Variants in ANK2 observed in about 807,000 individuals in gnomAD.
The protein encoded by ANK2 is ankyrin-2.
ANK2 carries 83 observed loss-of-function variants against 360.5 expected under a neutral mutation model. The ratio of observed to expected loss-of-function variants is 0.23; its 90% confidence interval spans 0.19 to 0.28. The LOEUF is 0.28. Ranked by LOEUF, ANK2 falls within the 10% of genes least tolerant of loss-of-function variation. The probability of loss-of-function intolerance (pLI) is 1.00; values close to 1 mark genes in which losing one functional copy is unlikely to be tolerated. For synonymous variants in ANK2, 1,740 were observed against 1,759.5 expected (o/e 0.99, Z 0.28); for missense variants, 4,201 against 4,795.7 (o/e 0.88, Z 3.66).
intron 45 of ANK2, among the ~76,000 whole-genome samples, chr4:113,380,052 T>C (rs573254459): frequency 1.3e-5 from 2 of 152,334 alleles, no homozygotes; most frequent in Non-Finnish European, 2.9e-5. Flanking sequence ...CTGTTATTTT[T>C]TGTTTGGACT....
At chr4:113,183,186 T>C (rs1049759430) in intron 2 of ANK2, among the ~76,000 whole-genome samples, 2 of 151,986 alleles carry the variant, frequency 1.3e-5, no homozygotes, top group African/African-American at 4.8e-5. Flanking sequence ...CGAAATATGA[T>C]TCTAGGTTAT....
chr4:113,267,814 G>T (rs1388957388), intron 14 of ANK2, among the ~76,000 whole-genome samples: 1 of 152,152 alleles, frequency 6.6e-6, no homozygotes, highest in African/African-American at 2.4e-5. Context: ...GATGGGGATA[G>T]CATTGAATCT....
At chr4:112,966,533 C>G (rs984485741) in intron 2 of ANK2, among the ~76,000 whole-genome samples, 9 of 151,850 alleles carry the variant, frequency 5.9e-5, no homozygotes, top group African/African-American at 1.9e-4. Context: ...TAACTTAATT[C>G]TATAATAAGA....
chr4:113,009,995 A>G, intron 2 of ANK2, among the ~76,000 whole-genome samples: 1 of 151,682 alleles, frequency 6.6e-6, no homozygotes, highest in Non-Finnish European at 1.5e-5. Flanking sequence ...TTGGTTTGGG[A>G]ATTAGGCAGA....
chr4:113,267,422 T>C (rs957880242), intron 14 of ANK2, among the ~76,000 whole-genome samples: 2 of 152,352 alleles, frequency 1.3e-5, no homozygotes, highest in Admixed American at 6.5e-5. Flanking sequence ...GAGTTAATTT[T>C]TGTATAAGAC....
At chr4:113,210,718 T>C (rs369332964) in intron 4 of ANK2, among the ~76,000 whole-genome samples, 13 of 152,226 alleles carry the variant, frequency 8.5e-5, no homozygotes, top group East Asian at 5.8e-4. Context: ...TGTAAAACGC[T>C]TAACACAATC....
intron 35 of ANK2, among the ~76,000 whole-genome samples, chr4:113,347,356 A>G (rs916232886): frequency 9.2e-5 from 14 of 152,182 alleles, no homozygotes; most frequent in African/African-American, 3.4e-4. Flanking sequence ...TTGATGGTGC[A>G]GAATGTATTT....
chr4:113,311,283 A>G lies in ANK2; in HGVS notation c.2577A>G (p.Gly859=). Residue 859 remains glycine, a synonymous_variant, in exon 24 of 46, where the codon GGA becomes GGG. Transcript: ENST00000357077. ...EGDDTMTGDG[G]EYLRPEDLKE... The stretch of plus-strand genomic sequence containing the variant: ...ATGACACAATGACTGGTGATGGGGG[A>G]GAATACCTTAGGCCTGAGGACCTAA... 6.2e-7 allele frequency: 1 copy of G among 1,614,086 alleles called. No individual in the cohort carries two copies. Among genetic ancestry groups the G allele is most frequent in the Non-Finnish European group, 8.5e-7 (1 of 1,180,006 alleles).
chr4:112,773,745 T>C, the ANK2 span, among the ~76,000 whole-genome samples: 1 of 152,220 alleles, frequency 6.6e-6, no homozygotes, highest in Non-Finnish European at 1.5e-5. Context: ...TCCATCAGTA[T>C]CCATCCAGTA....
intron 1 of ANK2, among the ~76,000 whole-genome samples, chr4:113,075,384 C>G (rs145278272): frequency 2.2e-4 from 34 of 152,298 alleles, no homozygotes; most frequent in Middle Eastern, 3.4e-3. Context: ...TAGGTGTTCT[C>G]TCCAGTTCCA....
chr4:112,864,637 A>G (rs1208486523), intron 1 of ANK2, among the ~76,000 whole-genome samples: 1 of 152,118 alleles, frequency 6.6e-6, no homozygotes, highest in Non-Finnish European at 1.5e-5. Context: ...TATTTTAAAA[A>G]AACGTTTACT....
intron 1 of ANK2, among the ~76,000 whole-genome samples, chr4:113,156,755 T>A (rs2097313885): frequency 6.7e-6 from 1 of 148,484 alleles, no homozygotes; most frequent in Admixed American, 6.8e-5. Flanking sequence ...AATTTTGTTT[T>A]CTTTTATAGT....
the ANK2 span, among the ~76,000 whole-genome samples, chr4:112,732,888 T>C: frequency 6.6e-6 from 1 of 151,836 alleles, no homozygotes; most frequent in South Asian, 2.1e-4. Flanking sequence ...GAGACCAGCC[T>C]GGCCAGCATG....
the ANK2 span, among the ~76,000 whole-genome samples, chr4:112,801,812 G>C: frequency 6.6e-6 from 1 of 152,114 alleles, no homozygotes. Flanking sequence ...CCCTCTTCAG[G>C]ACTCTATTTT....
chr4:112,885,796 C>CAAAAAAAAAAAAAAAAAAAAAAAAAAAA (rs750277917), intron 1 of ANK2, among the ~76,000 whole-genome samples: 1 of 26,972 alleles, frequency 3.7e-5, no homozygotes, highest in Non-Finnish European at 7.4e-5. Flanking sequence ...GACTCTGTCT[C>CAAAAAAAAAAAAAAAAAAAAAAAAAAAA]AAAAAAAAAA....
chr4:112,820,160 C>T (rs1379477462), intron 1 of ANK2, among the ~76,000 whole-genome samples: 2 of 152,224 alleles, frequency 1.3e-5, no homozygotes, highest in African/African-American at 2.4e-5. Flanking sequence ...TTCCATCTCA[C>T]TCACACAACT....
Position 113,353,191 on chromosome 4 carries a change from G to A in ANK2, c.4573G>A (p.Val1525Met). The change falls in exon 38 of 46, where the codon GTG becomes ATG. Residue 1525 changes from valine to methionine, a missense_variant. Around this residue, in one of 4 missense-constraint regions of ANK2, gnomAD observed 1,268 missense variants for 1,650.8 expected, o/e 0.77. Transcript: ENST00000357077. The part of the protein sequence containing the change: ...IKMTAILTTD[V>M]SDKAGSIKVK... ...AATGACCGCCATCTTGACCACAGAT[G>A]TGTCTGATAAGGCAGGTTCTATTAA... The A allele has an allele frequency of 6.2e-7, 1 of 1,614,074 alleles. No individual in the cohort carries two copies. The highest frequency in any genetic ancestry group is 8.5e-7 in the Non-Finnish European group (1 of 1,179,976).
At chr4:112,802,764 TAAAACAAAAACA>T in the ANK2 span, among the ~76,000 whole-genome samples, 1 of 152,134 alleles carries the variant, frequency 6.6e-6, no homozygotes, top group African/African-American at 2.4e-5. Context: ...ACATAGGAGT[TAAAACAAAAACA>T]AAAACAAAAA....
intron 1 of ANK2, among the ~76,000 whole-genome samples, chr4:112,886,313 G>A (rs2078326322): frequency 6.6e-6 from 1 of 152,052 alleles, no homozygotes; most frequent in Non-Finnish European, 1.5e-5. Context: ...TAAGTGTTCT[G>A]TTGAGACACC....
Sources: gnomAD v4.1 joint callset for allele counts (sites outside exome capture counted in the v4.1 genomes callset) on GRCh38, gnomAD v4.1.1 for gene constraint, gnomAD v4.1.1 regional missense constraint, MANE v1.5 for transcripts, NCBI Gene and HGNC (gene_info 2026-07-23, HGNC 2026-07-21) for gene names.